KHDRBS2: variants seen among roughly 807,000 people sequenced by gnomAD.
The protein encoded by KHDRBS2 is KH RNA binding domain containing, signal transduction associated 2.
A neutral mutation model predicts 44.3 loss-of-function variants in KHDRBS2; 26 were observed. The observed-to-expected ratio is 0.59, with a 90% CI of 0.43 to 0.81. The LOEUF is 0.81. Among genes scored for constraint, KHDRBS2 ranks in the 40% least tolerant of loss-of-function variants. The pLI is 0.00. For missense variants in KHDRBS2, 476 were observed against 433.1 expected, an observed-to-expected ratio of 1.10 and a Z score of -0.88; for synonymous variants, 194 against 151.1, an observed-to-expected ratio of 1.28 and a Z score of -2.08.
intron 2 of KHDRBS2, among the ~76,000 whole-genome samples, chr6:62,071,237 T>A (rs918594757): frequency 2.0e-5 from 3 of 152,188 alleles, no homozygotes; most frequent in African/African-American, 2.4e-5. Context: ...ATTCTGGATA[T>A]TAGCCCTTTG....
At chr6:61,952,950 C>A (rs1401375331) in intron 4 of KHDRBS2, among the ~76,000 whole-genome samples, 1 of 151,814 alleles carries the variant, frequency 6.6e-6, no homozygotes, top group East Asian at 1.9e-4. Context: ...AATATGGTTT[C>A]TTTGTATATT....
chr6:61,720,893 A>G (rs2127555299), intron 7 of KHDRBS2, among the ~76,000 whole-genome samples: 1 of 151,074 alleles, frequency 6.6e-6, no homozygotes, highest in South Asian at 2.1e-4. Flanking sequence ...GTTTTCTTCT[A>G]GGGTTTTTAT....
chr6:61,983,200 T>TTTTCTTTCTTTTCTTTTCTTTCTTTC (rs553232983), intron 3 of KHDRBS2, among the ~76,000 whole-genome samples: 1 of 46,038 alleles, frequency 2.2e-5, no homozygotes, highest in Non-Finnish European at 3.8e-5. Context: ...GTTTTTTTCA[T>TTTTCTTTCTTTTCTTTTCTTTCTTTC]TTTCTTTCTT....
intron 3 of KHDRBS2, among the ~76,000 whole-genome samples, chr6:62,037,551 A>C (rs1164990712): frequency 6.6e-6 from 1 of 152,014 alleles, no homozygotes; most frequent in Non-Finnish European, 1.5e-5. Context: ...ACACCCAAAA[A>C]CGAAGAGAAA....
At chr6:61,566,040 T>G in the KHDRBS2 span, among the ~76,000 whole-genome samples, 2 of 151,768 alleles carry the variant, frequency 1.3e-5, no homozygotes, top group Admixed American at 1.3e-4. Flanking sequence ...TGTGTGTGTA[T>G]GCAATGGAAT....
chr6:61,830,740 T>C (rs1178312811), intron 6 of KHDRBS2, among the ~76,000 whole-genome samples: 3 of 152,122 alleles, frequency 2.0e-5, no homozygotes, highest in Non-Finnish European at 4.4e-5. Flanking sequence ...CATTCTACCT[T>C]TGAGCCAAAT....
the KHDRBS2 span, among the ~76,000 whole-genome samples, chr6:61,544,989 G>A: frequency 1.3e-5 from 2 of 151,980 alleles, no homozygotes; most frequent in African/African-American, 4.8e-5. Flanking sequence ...TAAATGACGA[G>A]TTAATGGGTG....
At chr6:61,607,520 CAAAAAAAAAA>C in the KHDRBS2 span, among the ~76,000 whole-genome samples, 155 of 41,120 alleles carry the variant, frequency 3.8e-3, 5 homozygotes, top group Non-Finnish European at 5.2e-3. Flanking sequence ...GAGTTCCAAG[CAAAAAAAAAA>C]AAAAAAAAAA....
the KHDRBS2 span, among the ~76,000 whole-genome samples, chr6:61,572,654 C>T: frequency 4.6e-5 from 7 of 152,112 alleles, no homozygotes; most frequent in South Asian, 4.1e-4. Context: ...AGGGATGCAG[C>T]GATGGTTTAA....
intron 1 of KHDRBS2, among the ~76,000 whole-genome samples, chr6:62,204,815 C>T (rs1249739199): frequency 2.6e-5 from 4 of 151,964 alleles, no homozygotes; most frequent in African/African-American, 9.7e-5. Context: ...AAAAGTTGGT[C>T]CTCACTATAT....
intron 8 of KHDRBS2, among the ~76,000 whole-genome samples, chr6:61,685,151 T>G (rs1372265860): frequency 6.6e-6 from 1 of 151,784 alleles, no homozygotes; most frequent in East Asian, 1.9e-4. Context: ...CAGTTGAACT[T>G]GCATTGAACT....
At chr6:62,064,583 G>C (rs1311415218) in intron 2 of KHDRBS2, among the ~76,000 whole-genome samples, 1 of 148,162 alleles carries the variant, frequency 6.7e-6, no homozygotes, top group Non-Finnish European at 1.5e-5. Flanking sequence ...GCCATATGTA[G>C]AAAGCTGAAA....
rs145090820 is a variant in KHDRBS2 at position 61,726,109 on chromosome 6, T to C, written c.893+6573A>G. The stretch of plus-strand genomic sequence containing the variant: ...AAAAAACTTATTTAACATGATCCAG[T>C]TGGCTCCATCCCCAGGATGCAAGGT... On this transcript the variant is annotated intron_variant, in intron 7 of 8. Coordinates refer to ENST00000281156, the MANE Select transcript of KHDRBS2 (RefSeq NM_152688.4). Among the ~76,000 whole-genome samples, 7 of 152,278 alleles carry C rather than the reference T, an allele frequency of 4.6e-5. No homozygotes were observed. In the East Asian group the frequency reaches 1.4e-3, roughly 29 times the overall value.
At chr6:62,070,581 C>G (rs1048803952) in intron 2 of KHDRBS2, among the ~76,000 whole-genome samples, 3 of 151,678 alleles carry the variant, frequency 2.0e-5, no homozygotes, top group Admixed American at 1.3e-4. Flanking sequence ...TGAGTGAGAA[C>G]ACGCGGTGTT....
intron 2 of KHDRBS2, among the ~76,000 whole-genome samples, chr6:62,105,041 C>T (rs1385172226): frequency 4.0e-5 from 6 of 151,874 alleles, no homozygotes; most frequent in East Asian, 1.9e-4. Context: ...AAACAGAAAA[C>T]GTGGACAAAT....
intron 1 of KHDRBS2, among the ~76,000 whole-genome samples, chr6:62,243,487 A>AT (rs927769371): frequency 6.6e-6 from 1 of 152,098 alleles, no homozygotes. Flanking sequence ...TTACAGACAC[A>AT]TGATGTGTTA....
At chr6:61,755,593 TG>T (rs1778366100) in intron 6 of KHDRBS2, among the ~76,000 whole-genome samples, 1 of 151,864 alleles carries the variant, frequency 6.6e-6, no homozygotes. Flanking sequence ...GGGCGGGTCA[TG>T]GGGTCAGGAG....
intron 1 of KHDRBS2, among the ~76,000 whole-genome samples, chr6:62,264,547 T>C (rs968461583): frequency 4.0e-5 from 6 of 151,736 alleles, no homozygotes; most frequent in Non-Finnish European, 7.4e-5. Flanking sequence ...TCCTTTACTA[T>C]AGCCTTTATC....
At chr6:62,004,815 A>G (rs1481592919) in intron 3 of KHDRBS2, among the ~76,000 whole-genome samples, 2 of 152,164 alleles carry the variant, frequency 1.3e-5, no homozygotes, top group East Asian at 3.9e-4. Context: ...CTTATCCACC[A>G]AGATCAAGTT....
Sources: allele counts gnomAD v4.1 joint callset (sites outside exome capture counted in the v4.1 genomes callset), GRCh38; gene constraint gnomAD v4.1.1; transcripts MANE v1.5; gene names NCBI Gene and HGNC (gene_info 2026-07-23, HGNC 2026-07-21).